MAGEC3: variants seen among roughly 807,000 people sequenced by gnomAD.
The protein encoded by MAGEC3 is MAGE family member C3.
A neutral mutation model predicts 35.3 loss-of-function variants in MAGEC3; 34 were observed. The observed-to-expected ratio is 0.96, with a 90% CI of 0.73 to 1.28. The LOEUF is 1.28. Among genes scored for constraint, MAGEC3 ranks in the 50% most tolerant of loss-of-function variants. The pLI is 0.00. For missense variants in MAGEC3, 561 were observed against 483.6 expected (o/e 1.16, Z -1.50); for synonymous variants, 202 against 185.6 (o/e 1.09, Z -0.72).
chrX:141,892,560 G>A (rs1307041055), intron 4 of MAGEC3, among the ~76,000 whole-genome samples: 6 of 110,449 alleles, frequency 5.4e-5, no homozygotes, highest in African/African-American at 2.0e-4. Context: ...CATTAACAGA[G>A]GAAATTATTA....
chrX:141,891,399 A>C (rs2018039960), intron 4 of MAGEC3, among the ~76,000 whole-genome samples: 1 of 111,267 alleles, frequency 9.0e-6, no homozygotes, highest in South Asian at 3.7e-4. Flanking sequence ...AAATGTTTTC[A>C]TTCCATTAGC....
At chrX:141,870,114 A>T (rs769581885) in intron 2 of MAGEC3, among the ~76,000 whole-genome samples, 2 of 111,693 alleles carry the variant, frequency 1.8e-5, no homozygotes, top group Non-Finnish European at 3.8e-5. Context: ...ATTTTAGATC[A>T]CCCTAAGTTG....
At chrX:141,874,309 G>C (rs62611961) in intron 2 of MAGEC3, among the ~76,000 whole-genome samples, 1 of 111,086 alleles carries the variant, frequency 9.0e-6, no homozygotes, top group Non-Finnish European at 1.9e-5. Flanking sequence ...ACTATGGTTC[G>C]AGAAAACTTC....
chrX:141,845,855 C>A (rs940602610), intron 1 of MAGEC3, among the ~76,000 whole-genome samples: 2 of 110,889 alleles, frequency 1.8e-5, no homozygotes, highest in Admixed American at 1.9e-4. Flanking sequence ...CATTCATTAG[C>A]TGTATGACTA....
At chrX:141,855,426 A>G (rs932935688) in intron 1 of MAGEC3, among the ~76,000 whole-genome samples, 2 of 111,515 alleles carry the variant, frequency 1.8e-5, no homozygotes, top group African/African-American at 3.3e-5. Flanking sequence ...ACATTATTCA[A>G]TAAGTTAGAA....
chrX:141,895,211 G>T, intron 4 of MAGEC3, 58 bp from the exon 5 acceptor site: 1 of 1,136,825 alleles, frequency 8.8e-7, no homozygotes, highest in Non-Finnish European at 1.2e-6. Context: ...AGGCGGAGAG[G>T]TGGGGGGTGG....
intron 2 of MAGEC3, among the ~76,000 whole-genome samples, chrX:141,875,362 A>G (rs1387913774): frequency 1.3e-4 from 15 of 111,986 alleles, no homozygotes; most frequent in African/African-American, 4.2e-4. Flanking sequence ...TGTTTATTTT[A>G]TAACTTCTCT....
chrX:141,853,709 A>T (rs191915427), intron 1 of MAGEC3, among the ~76,000 whole-genome samples: 35 of 111,621 alleles, frequency 3.1e-4, no homozygotes, highest in African/African-American at 1.1e-3. Context: ...TTAAAAAATC[A>T]TGCAGGGTAA....
At chrX:141,852,390 TAGAG>T (rs1197586963) in intron 1 of MAGEC3, among the ~76,000 whole-genome samples, 1 of 110,419 alleles carries the variant, frequency 9.1e-6, no homozygotes, top group African/African-American at 3.3e-5. Context: ...CAGTCTGCAA[TAGAG>T]AGAGTTTTAT....
At chrX:141,856,449 G>A (rs781691543) in intron 1 of MAGEC3, among the ~76,000 whole-genome samples, 3 of 110,907 alleles carry the variant, frequency 2.7e-5, no homozygotes, top group Middle Eastern at 4.7e-3. Flanking sequence ...TGAGAGAGTC[G>A]GCTTTTTAAA....
At chrX:141,890,605 G>A (rs1173242777) in intron 4 of MAGEC3, among the ~76,000 whole-genome samples, 1 of 112,153 alleles carries the variant, frequency 8.9e-6, no homozygotes, top group Non-Finnish European at 1.9e-5. Context: ...AAACCTAGAT[G>A]CAATTCTGTA....
intron 7 of MAGEC3, 64 bp downstream of exon 7, chrX:141,897,550 G>A (rs1347506621): frequency 1.7e-6 from 2 of 1,193,298 alleles, no homozygotes; most frequent in East Asian, 3.0e-5. Context: ...TATACATTGG[G>A]TGCAGAGAAA....
chrX:141,867,893 C>T (rs754965516), intron 2 of MAGEC3, among the ~76,000 whole-genome samples: 1 of 111,894 alleles, frequency 8.9e-6, no homozygotes, highest in South Asian at 3.7e-4. Context: ...GAGGCCAAGG[C>T]GGGCGGATCA....
At chrX:141,842,819 T>TACATTGTTAGCTATATA (rs943516721) in intron 1 of MAGEC3, among the ~76,000 whole-genome samples, 8 of 111,784 alleles carry the variant, frequency 7.2e-5, no homozygotes, top group African/African-American at 2.6e-4. Flanking sequence ...TCATCTCTCC[T>TACATTGTTAGCTATATA]ACATTGTTAG....
chrX:141,857,656 C>G (rs2017789376), intron 1 of MAGEC3, among the ~76,000 whole-genome samples: 1 of 110,939 alleles, frequency 9.0e-6, no homozygotes, highest in Non-Finnish European at 1.9e-5. Flanking sequence ...CTGGAATGTT[C>G]TTTCCTATAC....
chrX:141,864,478 C>T (rs1343345986), intron 1 of MAGEC3, among the ~76,000 whole-genome samples: 2 of 111,063 alleles, frequency 1.8e-5, no homozygotes, highest in Non-Finnish European at 3.8e-5. Flanking sequence ...TTTGCAGGAA[C>T]ATCGATGGGG....
intron 5 of MAGEC3, 22 bp from the exon 6 acceptor site, chrX:141,895,463 G>A (rs749922630): frequency 1.7e-5 from 20 of 1,208,363 alleles, no homozygotes; most frequent in Non-Finnish European, 2.1e-5. Context: ...AAGAAGCCCC[G>A]GTCTGCCCTG....
intron 2 of MAGEC3, among the ~76,000 whole-genome samples, chrX:141,871,139 TAACC>T (rs1028543413): frequency 9.0e-6 from 1 of 111,654 alleles, no homozygotes; most frequent in African/African-American, 3.3e-5. Flanking sequence ...AACACATATA[TAACC>T]ACACGGGCAA....
intron 1 of MAGEC3, among the ~76,000 whole-genome samples, chrX:141,853,289 C>T (rs768156034): frequency 1.8e-5 from 2 of 111,362 alleles, no homozygotes; most frequent in African/African-American, 6.5e-5. Flanking sequence ...TTGAATCACA[C>T]GCACTTCCAC....
Sources: allele counts gnomAD v4.1 joint callset (sites outside exome capture counted in the v4.1 genomes callset), GRCh38; gene constraint gnomAD v4.1.1; transcripts MANE v1.5; gene names NCBI Gene and HGNC (gene_info 2026-07-23, HGNC 2026-07-21).